The following STAG1 variants were observed in gnomAD, a reference collection of about 807,000 sequenced individuals.
The protein encoded by STAG1 is cohesin subunit SA-1.
A neutral mutation model predicts 170.9 loss-of-function variants in STAG1; 26 were observed. The ratio of observed to expected loss-of-function variants is 0.15; its 90% CI spans 0.11 to 0.21. STAG1 has a LOEUF of 0.21. Among genes scored for constraint, STAG1 ranks in the 10% least tolerant of loss-of-function variants. The pLI is 1.00. For synonymous variants in STAG1, 514 were observed against 497.7 expected, an observed-to-expected ratio of 1.03 and a Z score of -0.44; for missense variants, 964 against 1,509.5, an observed-to-expected ratio of 0.64 and a Z score of 5.99.
intron 3 of STAG1, among the ~76,000 whole-genome samples, chr3:136,606,990 T>G (rs1244686853): frequency 3.9e-5 from 6 of 152,062 alleles, no homozygotes; most frequent in Non-Finnish European, 4.4e-5. Context: ...GACCTCGTGA[T>G]CCGCCCACCT....
At chr3:136,478,133 A>C (rs1358368779) in intron 9 of STAG1, among the ~76,000 whole-genome samples, 1 of 152,204 alleles carries the variant, frequency 6.6e-6, no homozygotes, top group East Asian at 1.9e-4. Flanking sequence ...TAATGAATTA[A>C]AAGAAAAAGC....
intron 6 of STAG1, among the ~76,000 whole-genome samples, chr3:136,537,778 G>A (rs993276880): frequency 8.5e-5 from 13 of 152,148 alleles, no homozygotes; most frequent in African/African-American, 2.4e-4. Flanking sequence ...TTATAGGTAC[G>A]AGTCACTGCG....
chr3:136,369,309 AAAATATTACAC>A, intron 23 of STAG1, 27 bp from the exon 24 acceptor site: 1 of 1,541,340 alleles, frequency 6.5e-7, no homozygotes, highest in Admixed American at 2.3e-5. Context: ...ATTTATCAGC[AAAATATTACAC>A]AAATATAACT....
intron 1 of STAG1, among the ~76,000 whole-genome samples, chr3:136,749,546 G>A (rs759324626): frequency 6.6e-6 from 1 of 152,080 alleles, no homozygotes; most frequent in Non-Finnish European, 1.5e-5. Context: ...AAGAGATGGA[G>A]ACCATCCTGG....
At chr3:136,439,865 G>A (rs2088579835) in intron 15 of STAG1, among the ~76,000 whole-genome samples, 1 of 152,094 alleles carries the variant, frequency 6.6e-6, no homozygotes. Flanking sequence ...TTCCCATCTG[G>A]TAAGTTACTT....
At chr3:136,371,137 T>C (rs1452027567) in intron 23 of STAG1, among the ~76,000 whole-genome samples, 1 of 152,200 alleles carries the variant, frequency 6.6e-6, no homozygotes, top group Admixed American at 6.5e-5. Context: ...TCATGTGTTT[T>C]TTGGCTGCAT....
chr3:136,636,255 A>C (rs959919657), intron 1 of STAG1, among the ~76,000 whole-genome samples: 1 of 152,154 alleles, frequency 6.6e-6, no homozygotes, highest in African/African-American at 2.4e-5. Context: ...TCTCAAAAAA[A>C]AAAAAGAAAG....
At chr3:136,390,064 C>G (rs1215649601) in intron 22 of STAG1, among the ~76,000 whole-genome samples, 2 of 152,080 alleles carry the variant, frequency 1.3e-5, no homozygotes, top group African/African-American at 4.8e-5. Context: ...AACTCCTGAC[C>G]TTGTGATCTG....
At position 136,347,652 on chromosome 3, in the gene STAG1, AAAAAG is replaced by A. The variant is rs201911773; in HGVS notation, c.3271+1501_3271+1505del. Among the ~76,000 whole-genome samples, 122 of 152,314 alleles carry A rather than the reference AAAAAG, an allele frequency of 8.0e-4. 1 individual carries two copies. The East Asian group carries it at 0.023, about 28-fold the overall frequency. On this transcript the variant is annotated intron_variant, in intron 29 of 33. Transcript: ENST00000383202. The stretch of plus-strand genomic sequence containing the variant: ...CTTTGAGCTGGAGCTGCAAGGTTAA[AAAAAG>A]AAAAGGAATACAGATGCTGCCTAAT...
rs1019895601 is a variant in STAG1 at position 136,470,951 on chromosome 3, G to C, written c.1205+1462C>G. Among the ~76,000 whole-genome samples, 4 of 147,520 alleles carry C rather than the reference G, an allele frequency of 2.7e-5. No individual in the cohort carries two copies. In the South Asian group the frequency reaches 8.9e-4, roughly 33 times the overall value. On this transcript the variant is annotated intron_variant, in intron 12 of 33. Coordinates refer to ENST00000383202, the MANE Select transcript of STAG1 (RefSeq NM_005862.3). ...TGAACAATGAGAACACTTGGACGCAGGAAGGGGACCATCACACACTGGGGA... is the reference window on the plus strand; with the variant it reads ...TGAACAATGAGAACACTTGGACGCACGAAGGGGACCATCACACACTGGGGA...
intron 16 of STAG1, among the ~76,000 whole-genome samples, chr3:136,432,406 G>T (rs1049210068): frequency 1.7e-4 from 26 of 151,588 alleles, no homozygotes; most frequent in Admixed American, 1.7e-3. Flanking sequence ...TTTTTCCTGA[G>T]TATGGTCACA....
At chr3:136,597,449 TACTG>T (rs1275055947) in intron 4 of STAG1, among the ~76,000 whole-genome samples, 2 of 152,212 alleles carry the variant, frequency 1.3e-5, no homozygotes, top group South Asian at 2.1e-4. Context: ...TCTACAACCT[TACTG>T]ACTATTGGTA....
intron 1 of STAG1, among the ~76,000 whole-genome samples, chr3:136,696,697 AAAGG>A (rs67128539): frequency 0.15 from 22,734 of 152,094 alleles, 2,253 homozygotes; most frequent in Non-Finnish European, 0.22. Flanking sequence ...CTTTTTAATA[AAAGG>A]AATGAAGTAT....
At chr3:136,600,628 T>C (rs1938619203) in intron 4 of STAG1, among the ~76,000 whole-genome samples, 1 of 152,038 alleles carries the variant, frequency 6.6e-6, no homozygotes, top group Non-Finnish European at 1.5e-5. Context: ...ACCTCCCGGG[T>C]TCAAGCAATT....
At chr3:136,710,809 G>A (rs559891870) in intron 1 of STAG1, among the ~76,000 whole-genome samples, 2 of 151,778 alleles carry the variant, frequency 1.3e-5, no homozygotes, top group East Asian at 1.9e-4. Context: ...GAAGTGAAAT[G>A]GTCATGTTAT....
At chr3:136,635,946 T>G (rs1940534621) in intron 1 of STAG1, among the ~76,000 whole-genome samples, 1 of 151,962 alleles carries the variant, frequency 6.6e-6, no homozygotes, top group South Asian at 2.1e-4. Context: ...ACAATAAAAT[T>G]GTAATGTAAG....
chr3:136,680,984 T>TATATTTTAA (rs938367179), intron 1 of STAG1, among the ~76,000 whole-genome samples: 3 of 148,744 alleles, frequency 2.0e-5, no homozygotes, highest in Admixed American at 6.7e-5. Flanking sequence ...CATCTGTCCA[T>TATATTTTAA]ATATTTTAAA....
At chr3:136,419,350 CA>C (rs1170904298) in intron 20 of STAG1, among the ~76,000 whole-genome samples, 1 of 152,128 alleles carries the variant, frequency 6.6e-6, no homozygotes, top group Non-Finnish European at 1.5e-5. Flanking sequence ...CTTTGGACAA[CA>C]AAGTTCTTTT....
Position 136,349,136 on chromosome 3 carries a change from T to G in STAG1, c.3271+22A>C, listed in dbSNP as rs942595738. 8 of 1,577,994 alleles carry G rather than the reference T, an allele frequency of 5.1e-6. No individual in the cohort carries two copies. The African/African-American group carries it at 9.4e-5, about 19-fold the overall frequency. ...CTTTAAAACCAGGCAAATTGTTTCT[T>G]ATAGTGTAAAGGCAGACTTACCTTC... On this transcript the variant is annotated intron_variant, in intron 29 of 33. Coordinates refer to ENST00000383202, the MANE Select transcript of STAG1 (RefSeq NM_005862.3).
Sources: gnomAD v4.1 joint callset for allele counts (sites outside exome capture counted in the v4.1 genomes callset) on GRCh38, gnomAD v4.1.1 for gene constraint, MANE v1.5 for transcripts, NCBI Gene and HGNC (gene_info 2026-07-23, HGNC 2026-07-21) for gene names.